Variants in ZNF347 observed in about 807,000 individuals in gnomAD.
ZNF347 encodes the protein CTD-2620I22.7.
In ZNF347, 19 loss-of-function variants were observed where a neutral mutation model predicts 12.9. That is an observed-to-expected ratio of 1.47 (90% CI 1.03 to 2.16). The LOEUF is 2.16. ZNF347 is among the 30% of genes most tolerant of loss of function. The pLI is 0.00. For synonymous variants in ZNF347, 328 were observed against 340.6 expected (o/e 0.96, Z 0.41); for missense variants, 1,005 against 990.6 (o/e 1.01, Z -0.19).
intron 4 of ZNF347, among the ~76,000 whole-genome samples, chr19:53,146,971 C>T (rs35916758): frequency 0.099 from 15,020 of 152,200 alleles, 841 homozygotes; most frequent in Middle Eastern, 0.14. Context: ...CATGTTAGCT[C>T]ACGCCTGTAA....
intron 4 of ZNF347, among the ~76,000 whole-genome samples, chr19:53,146,133 G>A (rs1255301382): frequency 6.6e-6 from 1 of 151,908 alleles, no homozygotes; most frequent in Admixed American, 6.6e-5. Context: ...GTGCCCCCAC[G>A]CCCGGCTAAT....
At chr19:53,149,176 G>C (rs2146808064) in intron 3 of ZNF347, 65 bp downstream of exon 3, 2 of 1,593,574 alleles carry the variant, frequency 1.3e-6, no homozygotes, top group Non-Finnish European at 1.7e-6. Flanking sequence ...TCCCAGGAGA[G>C]CCACATGGAA....
At chr19:53,145,537 C>T (rs377345694) in intron 4 of ZNF347, among the ~76,000 whole-genome samples, 1 of 151,554 alleles carries the variant, frequency 6.6e-6, no homozygotes, top group Non-Finnish European at 1.5e-5. Context: ...AGACCACAGG[C>T]ACACACCACC....
At chr19:53,153,927 AAG>A (rs2090515198) in intron 1 of ZNF347, 134 bp from the exon 2 acceptor site, 1 of 657,424 alleles carries the variant, frequency 1.5e-6, no homozygotes, top group Non-Finnish European at 2.6e-6. Flanking sequence ...ACCCTGTGGA[AAG>A]ATGGTCTCAG....
intron 4 of ZNF347, among the ~76,000 whole-genome samples, chr19:53,146,130 C>T (rs2090461680): frequency 6.6e-6 from 1 of 152,048 alleles, no homozygotes; most frequent in South Asian, 2.1e-4. Context: ...CATGTGCCCC[C>T]ACGCCCGGCT....
chr19:53,156,051 G>C lies in ZNF347; in HGVS notation c.-46-2258C>G, dbSNP rs866048779. On this transcript the variant is annotated intron_variant, in intron 1 of 4. Transcript: ENST00000334197. ...TCCCAGGGGACTCCCAGCTCGGGGG[G>C]GGGGGGGGGTTAGGCGGGGGTCCTA... Among the ~76,000 whole-genome samples, 16 of 139,760 alleles carry C rather than the reference G, an allele frequency of 1.1e-4. 1 individual carries two copies. The South Asian group carries it at 1.8e-3, about 15-fold the overall frequency. 91.7% of individuals were successfully genotyped at this position (139,760 alleles called of 152,430 possible).
chr19:53,144,405 A>G (rs1157166243), intron 4 of ZNF347, among the ~76,000 whole-genome samples: 1 of 152,202 alleles, frequency 6.6e-6, no homozygotes, highest in East Asian at 1.9e-4. Context: ...GAAAAGGATC[A>G]ACTTAGCAAA....
chr19:53,147,170 T>C (rs1316707322), intron 4 of ZNF347, among the ~76,000 whole-genome samples: 1 of 150,192 alleles, frequency 6.7e-6, no homozygotes, highest in Non-Finnish European at 1.5e-5. Flanking sequence ...AGGTAAGGAG[T>C]TCAAGACCAG....
At chr19:53,145,377 G>A (rs2090456577) in intron 4 of ZNF347, among the ~76,000 whole-genome samples, 1 of 149,144 alleles carries the variant, frequency 6.7e-6, no homozygotes, top group African/African-American at 2.5e-5. Flanking sequence ...AAGAAATTAA[G>A]AAGGAAATAA....
In ZNF347 at chr19:53,138,680, GAAAA is replaced by G. The variant is rs748785148; in HGVS notation, c.*1624_*1627del. ...CAAAATTGTATGTTGATTCCACAAA[GAAAA>G]AAAAAATTGTTCTACATCCTCCAAC... On this transcript the variant is annotated 3_prime_UTR_variant, in exon 5 of 5. Transcript: ENST00000334197. The G allele has an allele frequency of 6.7e-6, 1 of 148,966 alleles. No individual in the cohort carries two copies. The highest frequency in any genetic ancestry group is 2.5e-5 in the African/African-American group (1 of 40,602). 9.2% of individuals were successfully genotyped at this position (148,966 alleles called of 1,614,324 possible).
rs2090381234 is a variant in ZNF347, at chr19:53,135,333, T to TAGAGAGAG, written c.*4974_*4975insCTCTCTCT. 5.8e-5 allele frequency: 4 copies of TAGAGAGAG among 68,498 alleles called. No homozygotes were observed. The highest frequency in any genetic ancestry group is 3.4e-4 in the Admixed American group (2 of 5,922). 4.2% of individuals were successfully genotyped at this position (68,498 alleles called of 1,614,324 possible). A position where few individuals can be genotyped will look rare whatever the true frequency, so the allele number is the denominator to read the frequency against. On this transcript the variant is annotated 3_prime_UTR_variant, in exon 5 of 5. Coordinates refer to ENST00000334197, the MANE Select transcript of ZNF347 (RefSeq NM_032584.3). The stretch of plus-strand genomic sequence containing the variant: ...ATATATATATATATATATATATATA[T>TAGAGAGAG]ATATATAGAGAGAGAGAGAGAGAGA...
Position 53,140,448 on chromosome 19 carries a change from C to G in ZNF347, c.2380G>C (p.Glu794Gln). Residue 794 changes from glutamate to glutamine, a missense_variant, in exon 5 of 5, where the codon GAG (glutamate) becomes CAG (glutamine). Physicochemically the swap from Glu to Gln is conservative, Grantham distance 29 (BLOSUM62 2). Transcript: ENST00000334197. Reference protein sequence around the residue: ...QRIHTGEKPYECGKPFSICSS... With the variant: ...QRIHTGEKPYQCGKPFSICSS... ...CAGATACTAAAGGGTTTCCCACACT[C>G]ATATGGTTTCTCTCCGGTATGAATT... 1.2e-6 allele frequency: 2 copies of G among 1,613,918 alleles called. No individual in the cohort carries two copies. Among genetic ancestry groups the G allele is most frequent in the Non-Finnish European group, 1.7e-6 (2 of 1,179,942 alleles).
Position 53,135,375 on chromosome 19 carries a change from G to GACAGAA in ZNF347, c.*4932_*4933insTTCTGT, listed in dbSNP as rs1250369607. ...AGAGAGAGAGAGAGAGAGAAAGAGAGAGAGAGAGAGAGAGAGAGATGGAGT... is the reference window on the plus strand; with the variant it reads ...AGAGAGAGAGAGAGAGAGAAAGAGAGACAGAAAGAGAGAGAGAGAGAGAGATGGAGT... On this transcript the variant is annotated 3_prime_UTR_variant, in exon 5 of 5. Transcript: ENST00000334197. The GACAGAA allele has an allele frequency of 7.3e-6, 1 of 136,626 alleles. No homozygotes were observed. The highest frequency in any genetic ancestry group is 1.6e-5 in the Non-Finnish European group (1 of 63,066). The allele number at this position is 136,626 out of a possible 1,614,324, so 8.5% of individuals were successfully genotyped here. A position where few individuals can be genotyped will look rare whatever the true frequency, so the allele number is the denominator to read the frequency against.
At position 53,139,572 on chromosome 19, in the gene ZNF347, A is replaced by G. The variant is rs1443210028; in HGVS notation, c.*736T>C. The stretch of plus-strand genomic sequence containing the variant: ...TTCCAAATGTCCTTTGACCTTTGAA[A>G]TATATAATGTCTTAAGTTTTACCAT... On this transcript the variant is annotated 3_prime_UTR_variant, in exon 5 of 5. Coordinates refer to ENST00000334197, the MANE Select transcript of ZNF347 (RefSeq NM_032584.3). The G allele has an allele frequency of 6.6e-6, 1 of 152,228 alleles. No individual in the cohort carries two copies. Among genetic ancestry groups the G allele is most frequent in the Admixed American group, 6.5e-5 (1 of 15,280 alleles). 9.4% of individuals were successfully genotyped at this position (152,228 alleles called of 1,614,324 possible). A position where few individuals can be genotyped will look rare whatever the true frequency, so the allele number is the denominator to read the frequency against.
At chr19:53,149,101 C>A in intron 3 of ZNF347, 140 bp downstream of exon 3, 2 of 1,500,636 alleles carry the variant, frequency 1.3e-6, no homozygotes, top group Non-Finnish European at 1.8e-6. Context: ...ATCCAGTTTC[C>A]ACATTATGGA....
chr19:53,156,987 T>C (rs1295801909), intron 1 of ZNF347, among the ~76,000 whole-genome samples: 2 of 152,162 alleles, frequency 1.3e-5, no homozygotes, highest in Admixed American at 1.3e-4. Context: ...TGCCCTGTTG[T>C]ATTGAGTGTG....
rs2090384077 is a variant in ZNF347 at position 53,135,479 on chromosome 19, T to C, written c.*4829A>G. ...CATCCGCCTCCCAGGCTCAAGCAAT[T>C]CTCCTGCCTCAGCCTCCCGAATAGC... On this transcript the variant is annotated 3_prime_UTR_variant, in exon 5 of 5. Transcript: ENST00000334197. 6.6e-6 allele frequency: 1 copy of C among 151,542 alleles called. No individual in the cohort carries two copies. Among genetic ancestry groups the C allele is most frequent in the Non-Finnish European group, 1.5e-5 (1 of 67,940 alleles). 9.4% of individuals were successfully genotyped at this position (151,542 alleles called of 1,614,324 possible).
rs144300287 is a variant in ZNF347 at position 53,154,532 on chromosome 19, C to T, written c.-46-739G>A. On this transcript the variant is annotated intron_variant, in intron 1 of 4. Transcript: ENST00000334197. The stretch of plus-strand genomic sequence containing the variant: ...AAAAGTGGCTGGAGGACTAAGCCCA[C>T]GTTCAGAGAACAGAAAGTTCTGGAG... Among the ~76,000 whole-genome samples the T allele has an allele frequency of 1.6e-3, 246 of 151,996 alleles. 1 individual carries two copies. The highest frequency in any genetic ancestry group is 2.0e-3 in the Admixed American group (30 of 15,236).
chr19:53,148,856 G>A, intron 3 of ZNF347, 47 bp from the exon 4 acceptor site: 15 of 1,595,292 alleles, frequency 9.4e-6, no homozygotes, highest in Non-Finnish European at 1.3e-5. Flanking sequence ...ATTTTCCAGA[G>A]TCCCAGTCCT....
Sources: gnomAD v4.1 joint callset for allele counts (sites outside exome capture counted in the v4.1 genomes callset) on GRCh38, gnomAD v4.1.1 for gene constraint, MANE v1.5 for transcripts, NCBI Gene and HGNC (gene_info 2026-07-23, HGNC 2026-07-21) for gene names.